ENPP1: variants seen among roughly 807,000 people sequenced by gnomAD.
ENPP1 encodes the protein ectonucleotide pyrophosphatase/phosphodiesterase family member 1.
Under a neutral mutation model 122.8 loss-of-function variants are expected in ENPP1, and 73 were observed. The ratio of observed to expected loss-of-function variants is 0.59; its 90% CI spans 0.49 to 0.72. The LOEUF is 0.72. Ranked by LOEUF, ENPP1 falls within the 30% of genes least tolerant of loss-of-function variation. The pLI is 0.00. For missense variants in ENPP1, 978 were observed against 1,128.1 expected (o/e 0.87, Z 1.91); for synonymous variants, 367 against 391.6 (o/e 0.94, Z 0.74).
intron 20 of ENPP1, among the ~76,000 whole-genome samples, chr6:131,881,030 T>C (rs1049350977): frequency 2.0e-5 from 3 of 152,076 alleles, no homozygotes; most frequent in Non-Finnish European, 4.4e-5. Flanking sequence ...TTACGTGGAA[T>C]TGAAATTTTA....
At position 131,874,424 on chromosome 6, in the gene ENPP1, T is replaced by C. The variant is rs1465307143; in HGVS notation, c.1635+87T>C. The C allele has an allele frequency of 3.9e-6, 3 of 765,118 alleles. No individual in the cohort carries two copies. In the African/African-American group the frequency reaches 5.3e-5, roughly 14 times the overall value. The allele number at this position is 765,118 out of a possible 1,614,324, so 47.4% of individuals were successfully genotyped here. On this transcript the variant is annotated intron_variant, in intron 16 of 24. Coordinates refer to ENST00000647893, the MANE Select transcript of ENPP1 (RefSeq NM_006208.3). ...TAGACTTGAAAACATACTGTGATTATATGTCTTGAATGAGAATTAATGGAA... is the reference window on the plus strand; with the variant it reads ...TAGACTTGAAAACATACTGTGATTACATGTCTTGAATGAGAATTAATGGAA...
chr6:131,850,620 G>A (rs1030558661), intron 3 of ENPP1, among the ~76,000 whole-genome samples: 14 of 152,312 alleles, frequency 9.2e-5, no homozygotes, highest in Middle Eastern at 3.4e-3. Flanking sequence ...CCAGGCTGGA[G>A]AGCCGTTGCT....
intron 1 of ENPP1, chr6:131,827,903 TTTCTGACA>T: frequency 7.5e-7 from 1 of 1,329,740 alleles, no homozygotes; most frequent in South Asian, 1.2e-5. Flanking sequence ...TCGGCCACTG[TTTCTGACA>T]GGGTGCAGGT....
Position 131,831,114 on chromosome 6 carries a change from C to CAAAAAAAA in ENPP1, c.241-16646_241-16639dup, listed in dbSNP as rs3036850. On this transcript the variant is annotated intron_variant, in intron 1 of 24. Coordinates refer to ENST00000647893, the MANE Select transcript of ENPP1 (RefSeq NM_006208.3). ...GGCAACAGTGTGACAGCCCATCTCT[C>CAAAAAAAA]AAAAAAAAAAAAAAAAAAAAAAAGA... 3.3e-4 allele frequency among the ~76,000 whole-genome samples: 20 copies of CAAAAAAAA among 59,994 alleles called. 1 individual carries two copies. The highest frequency in any genetic ancestry group is 5.2e-4 in the African/African-American group (8 of 15,402). 39.4% of individuals were successfully genotyped at this position (59,994 alleles called of 152,430 possible). A position where few individuals can be genotyped will look rare whatever the true frequency, so the allele number is the denominator to read the frequency against.
At chr6:131,884,168 GAATA>G (rs1221970273) in intron 22 of ENPP1, among the ~76,000 whole-genome samples, 1 of 151,994 alleles carries the variant, frequency 6.6e-6, no homozygotes, top group Non-Finnish European at 1.5e-5. Context: ...ACTTTTACAG[GAATA>G]AAAATTTAGT....
rs114876324 is a variant in ENPP1, at chr6:131,830,376, T to G, written c.241-17400T>G. Among the ~76,000 whole-genome samples, 1,272 of 152,228 alleles carry G rather than the reference T, an allele frequency of 8.4e-3. 10 individuals carry two copies. The highest frequency in any genetic ancestry group is 0.029 in the African/African-American group (1,206 of 41,538). ...AGCTGCCCCAGGAAGGAGGAGAGAC[T>G]TTGGGCAAAGCGGCTGTCTTTAGCT... On this transcript the variant is annotated intron_variant, in intron 1 of 24. Transcript: ENST00000647893.
At position 131,847,963 on chromosome 6, in the gene ENPP1, C is replaced by T. The variant is rs1417076116; in HGVS notation, c.313+115C>T. The T allele has an allele frequency of 3.9e-6, 3 of 764,642 alleles. No homozygotes were observed. In the Admixed American group the frequency reaches 6.7e-5, roughly 17 times the overall value. 47.4% of individuals were successfully genotyped at this position (764,642 alleles called of 1,614,324 possible). A position where few individuals can be genotyped will look rare whatever the true frequency, so the allele number is the denominator to read the frequency against. ...TTATCTCCTATTCCTATGGGTACTC[C>T]ATAGATATTGTCAATTCAACGCTGG... On this transcript the variant is annotated intron_variant, in intron 2 of 24. Coordinates refer to ENST00000647893, the MANE Select transcript of ENPP1 (RefSeq NM_006208.3).
At chr6:131,847,911 T>A in intron 2 of ENPP1, 63 bp downstream of exon 2, 2 of 1,222,936 alleles carry the variant, frequency 1.6e-6, no homozygotes, top group Admixed American at 3.6e-5. Context: ...GTGCACAGCC[T>A]TATTAAGAAT....
At position 131,869,442 on chromosome 6, in the gene ENPP1, C is replaced by G; in HGVS notation, c.1358C>G (p.Pro453Arg). Residue 453 changes from proline (P) to arginine (R), a missense_variant, in exon 13 of 25, where the codon CCT becomes CGT. Pro to Arg is a moderately radical substitution (Grantham distance 103). This residue lies in a region of ENPP1 where 644 missense variants were observed against 781.5 expected (regional missense o/e 0.82). Transcript: ENST00000647893. ...DVKNIKVIYG[P>R]AARLRPSDVP... ...AAAAATATTAAAGTTATCTATGGAC[C>G]TGCAGCTCGATTGAGACCCTCTGAT... 6.2e-7 allele frequency: 1 copy of G among 1,612,902 alleles called. No individual in the cohort carries two copies. The highest frequency in any genetic ancestry group is 8.5e-7 in the Non-Finnish European group (1 of 1,179,106).
chr6:131,858,025 G>A (rs189298240), intron 6 of ENPP1, among the ~76,000 whole-genome samples: 211 of 152,294 alleles, frequency 1.4e-3, no homozygotes, highest in Non-Finnish European at 2.3e-3. Flanking sequence ...ATAGACACAT[G>A]CCAATTTGAG....
chr6:131,839,424 T>C (rs1427270959), intron 1 of ENPP1, among the ~76,000 whole-genome samples: 1 of 152,090 alleles, frequency 6.6e-6, no homozygotes, highest in African/African-American at 2.4e-5. Flanking sequence ...TCATGGAGCT[T>C]TGAGTATTCA....
intron 24 of ENPP1, among the ~76,000 whole-genome samples, chr6:131,888,235 CT>C (rs58493790): frequency 0.077 from 10,676 of 139,290 alleles, 841 homozygotes; most frequent in African/African-American, 0.22. Flanking sequence ...CCTACATTTC[CT>C]TTTTTTTTTT....
chr6:131,886,451 T>G, intron 23 of ENPP1, 111 bp from the exon 24 acceptor site: 1 of 800,952 alleles, frequency 1.2e-6, no homozygotes, highest in Non-Finnish European at 2.1e-6. Flanking sequence ...TATATTTAAT[T>G]ATTTGTTTGA....
intron 24 of ENPP1, among the ~76,000 whole-genome samples, chr6:131,889,081 G>T (rs977742016): frequency 6.6e-6 from 1 of 152,168 alleles, no homozygotes; most frequent in African/African-American, 2.4e-5. Context: ...TAGTATTTGT[G>T]TAGTACATTT....
At chr6:131,854,767 A>G (rs1184058514) in intron 5 of ENPP1, among the ~76,000 whole-genome samples, 159 bp from the exon 6 acceptor site, 1 of 152,310 alleles carries the variant, frequency 6.6e-6, no homozygotes, top group South Asian at 2.1e-4. Flanking sequence ...AACGTACTTT[A>G]TAAGTATGCT....
In ENPP1 at chr6:131,892,036, T is replaced by G. The variant is rs751093256; in HGVS notation, c.*1525T>G. 3.7e-4 allele frequency: 56 copies of G among 152,344 alleles called. 1 individual carries two copies. The highest frequency in any genetic ancestry group is 5.9e-4 in the Admixed American group (9 of 15,304). The allele number at this position is 152,344 out of a possible 1,614,324, so 9.4% of individuals were successfully genotyped here. On this transcript the variant is annotated 3_prime_UTR_variant, in exon 25 of 25. Transcript: ENST00000647893. ...TTTGCTGAGACTTTCTACGTTTTCA[T>G]TTGTTTCAAGTGCATTTATACTTGC...
chr6:131,851,374 T>C, intron 4 of ENPP1, 107 bp downstream of exon 4: 1 of 1,382,776 alleles, frequency 7.2e-7, no homozygotes, highest in East Asian at 2.3e-5. Context: ...ATTGGCCAAC[T>C]ATATTAGCTG....
At chr6:131,851,406 T>C in intron 4 of ENPP1, 139 bp downstream of exon 4, 1 of 1,059,748 alleles carries the variant, frequency 9.4e-7, no homozygotes, top group Non-Finnish European at 1.4e-6. Context: ...TTTAAAACTT[T>C]TTATTAAAGA....
At chr6:131,814,877 A>G (rs1365713235) in intron 1 of ENPP1, among the ~76,000 whole-genome samples, 1 of 152,224 alleles carries the variant, frequency 6.6e-6, no homozygotes, top group Non-Finnish European at 1.5e-5. Flanking sequence ...ACTATTAGGC[A>G]GAGGATAGTA....
Sources: allele counts gnomAD v4.1 joint callset (sites outside exome capture counted in the v4.1 genomes callset), GRCh38; gene constraint gnomAD v4.1.1; regional missense constraint gnomAD v4.1.1; transcripts MANE v1.5; gene names NCBI Gene and HGNC (gene_info 2026-07-23, HGNC 2026-07-21).